Variants in NBAS observed in about 807,000 individuals in gnomAD.
NBAS encodes the protein NBAS subunit of NRZ tethering complex.
NBAS carries 219 observed loss-of-function variants against 302.5 expected under a neutral mutation model. The ratio of observed to expected loss-of-function variants is 0.72; its 90% CI spans 0.65 to 0.81. NBAS has a LOEUF of 0.81. Ranked by LOEUF, NBAS falls within the 30% of genes least tolerant of loss-of-function variation. The pLI is 0.00. For missense variants in NBAS, 2,932 were observed against 2,841.6 expected (o/e 1.03, Z -0.72); for synonymous variants, 1,118 against 1,021.6 (o/e 1.09, Z -1.80).
intron 44 of NBAS, among the ~76,000 whole-genome samples, chr2:15,262,847 C>CA (rs1409787571): frequency 1.3e-5 from 2 of 152,038 alleles, no homozygotes; most frequent in East Asian, 1.9e-4. Context: ...GCATACTGGA[C>CA]AAAAAATGGT....
At chr2:14,962,943 GA>G in the NBAS span, among the ~76,000 whole-genome samples, 38 of 142,446 alleles carry the variant, frequency 2.7e-4, no homozygotes, top group Middle Eastern at 3.6e-3. Context: ...AAACAAAGGA[GA>G]AAAAAAAAAA....
intron 40 of NBAS, among the ~76,000 whole-genome samples, chr2:15,296,834 A>G (rs1670573570): frequency 6.6e-6 from 1 of 152,078 alleles, no homozygotes; most frequent in South Asian, 2.1e-4. Flanking sequence ...TGAGATCCTG[A>G]TCTCAAAAAT....
chr2:15,277,207 C>T, intron 42 of NBAS, 106 bp from the exon 43 acceptor site: 1 of 1,403,432 alleles, frequency 7.1e-7, no homozygotes, highest in Non-Finnish European at 9.6e-7. Context: ...TCCCTTCTTC[C>T]TGCCTACTCA....
chr2:15,538,175 A>C (rs1050856608), intron 7 of NBAS, among the ~76,000 whole-genome samples: 5 of 152,064 alleles, frequency 3.3e-5, no homozygotes, highest in Admixed American at 6.5e-5. Context: ...TTCTCATTGT[A>C]GTTACTATTA....
chr2:14,904,865 C>T, the NBAS span, among the ~76,000 whole-genome samples: 3 of 151,644 alleles, frequency 2.0e-5, no homozygotes, highest in African/African-American at 4.9e-5. Flanking sequence ...CTGGCTAACA[C>T]GGTGAAACGC....
chr2:15,233,895 A>G (rs1370665295), intron 46 of NBAS, among the ~76,000 whole-genome samples: 1 of 152,216 alleles, frequency 6.6e-6, no homozygotes, highest in Non-Finnish European at 1.5e-5. Context: ...TAAATTAAAC[A>G]TAACTAAATC....
the NBAS span, among the ~76,000 whole-genome samples, chr2:14,811,393 A>G: frequency 6.6e-6 from 1 of 152,090 alleles, no homozygotes; most frequent in Non-Finnish European, 1.5e-5. Context: ...CCAGGCTACA[A>G]AGTGAGGCCC....
intron 6 of NBAS, among the ~76,000 whole-genome samples, chr2:15,544,354 T>C (rs1233365581): frequency 6.8e-6 from 1 of 146,182 alleles, no homozygotes; most frequent in Non-Finnish European, 1.5e-5. Flanking sequence ...AAGTGACAAA[T>C]GGTGAAGGGA....
chr2:15,041,617 G>A, the NBAS span, among the ~76,000 whole-genome samples: 1 of 152,220 alleles, frequency 6.6e-6, no homozygotes, highest in Admixed American at 6.5e-5. Flanking sequence ...CAGATGTGGG[G>A]CAGGCTATCC....
chr2:15,493,922 G>C (rs1033585449), intron 11 of NBAS, among the ~76,000 whole-genome samples: 3 of 150,534 alleles, frequency 2.0e-5, no homozygotes, highest in African/African-American at 7.3e-5. Flanking sequence ...TGCCTCGAGG[G>C]TTCAAGGATT....
At chr2:14,890,948 A>C in the NBAS span, among the ~76,000 whole-genome samples, 2 of 152,248 alleles carry the variant, frequency 1.3e-5, no homozygotes, top group East Asian at 3.8e-4. Flanking sequence ...TGGTAAATAA[A>C]AAGATTATTT....
chr2:14,852,561 G>GA, the NBAS span, among the ~76,000 whole-genome samples: 1 of 107,938 alleles, frequency 9.3e-6, no homozygotes, highest in African/African-American at 4.3e-5. Context: ...CACAGAATTG[G>GA]AAAAAACTAC....
the NBAS span, among the ~76,000 whole-genome samples, chr2:15,014,413 C>A: frequency 1.3e-5 from 2 of 151,892 alleles, no homozygotes; most frequent in Non-Finnish European, 2.9e-5. Flanking sequence ...TTTTTTAAAT[C>A]AAAATTATAT....
At chr2:15,285,731 C>T (rs529069358) in intron 42 of NBAS, among the ~76,000 whole-genome samples, 2 of 152,308 alleles carry the variant, frequency 1.3e-5, no homozygotes, top group African/African-American at 4.8e-5. Flanking sequence ...CTGCTCACTG[C>T]AACCTCCACC....
chr2:15,527,609 T>A (rs1157418201), intron 9 of NBAS, among the ~76,000 whole-genome samples: 1 of 152,168 alleles, frequency 6.6e-6, no homozygotes, highest in Non-Finnish European at 1.5e-5. Context: ...AACGCACTCA[T>A]GAGGGAGAAG....
chr2:15,188,188 T>C (rs1005655927), intron 49 of NBAS, among the ~76,000 whole-genome samples: 1 of 152,214 alleles, frequency 6.6e-6, no homozygotes, highest in Non-Finnish European at 1.5e-5. Flanking sequence ...GAATCTTCCT[T>C]AAGTACAAAC....
the NBAS span, among the ~76,000 whole-genome samples, chr2:15,027,537 TC>T: frequency 2.0e-5 from 3 of 152,098 alleles, no homozygotes; most frequent in Non-Finnish European, 4.4e-5. Context: ...TTTACTAGAA[TC>T]TCTTGGGTTT....
the NBAS span, among the ~76,000 whole-genome samples, chr2:14,800,854 G>T: frequency 1.6e-5 from 2 of 122,632 alleles, no homozygotes; most frequent in Admixed American, 8.6e-5. Context: ...TCCTTCTTTT[G>T]TGTAGATCAA....
the NBAS span, among the ~76,000 whole-genome samples, chr2:15,106,040 C>T: frequency 6.6e-6 from 1 of 152,106 alleles, no homozygotes; most frequent in Non-Finnish European, 1.5e-5. Flanking sequence ...GCTTTGGATA[C>T]TATTAAAAGT....
Sources: gnomAD v4.1 joint callset for allele counts (sites outside exome capture counted in the v4.1 genomes callset) on GRCh38, gnomAD v4.1.1 for gene constraint, MANE v1.5 for transcripts, NCBI Gene and HGNC (gene_info 2026-07-23, HGNC 2026-07-21) for gene names.